IQCM: variants seen among roughly 807,000 people sequenced by gnomAD.
IQCM encodes the protein IQ motif containing M.
A neutral mutation model predicts 57.6 loss-of-function variants in IQCM; 45 were observed. That is an observed-to-expected ratio of 0.78 (90% CI 0.62 to 1.00). IQCM has a LOEUF of 1.00. Among genes scored for constraint, IQCM ranks in the 50% least tolerant of loss-of-function variants. The pLI, the probability that IQCM is intolerant of heterozygous loss-of-function variation, is 0.00. For missense variants in IQCM, 468 were observed against 511.6 expected (o/e 0.91, Z 0.82); for synonymous variants, 148 against 158.9 (o/e 0.93, Z 0.51).
At chr4:149,790,766 T>C (rs1013221679) in intron 2 of IQCM, among the ~76,000 whole-genome samples, 2 of 152,156 alleles carry the variant, frequency 1.3e-5, no homozygotes, top group East Asian at 3.9e-4. Flanking sequence ...TCCTGTGAAA[T>C]AGCGACAGAG....
intron 7 of IQCM, among the ~76,000 whole-genome samples, chr4:149,669,231 T>C (rs1761024615): frequency 6.6e-6 from 1 of 152,208 alleles, no homozygotes; most frequent in Admixed American, 6.5e-5. Flanking sequence ...TGATGGTCAG[T>C]GATGATGAGC....
intron 13 of IQCM, among the ~76,000 whole-genome samples, chr4:149,378,471 A>C (rs946373520): frequency 2.6e-5 from 4 of 152,176 alleles, no homozygotes; most frequent in African/African-American, 4.8e-5. Context: ...GGTGGAGATA[A>C]GGAACTTGTT....
intron 9 of IQCM, among the ~76,000 whole-genome samples, chr4:149,570,660 G>C (rs1382920604): frequency 6.6e-6 from 1 of 152,028 alleles, no homozygotes; most frequent in Non-Finnish European, 1.5e-5. Flanking sequence ...GGATTTATCA[G>C]TCTTCTAGAC....
At chr4:149,639,978 G>C (rs1758051061) in intron 7 of IQCM, among the ~76,000 whole-genome samples, 1 of 152,110 alleles carries the variant, frequency 6.6e-6, no homozygotes, top group Non-Finnish European at 1.5e-5. Flanking sequence ...AAAATCTAAA[G>C]TAGCCAACTC....
chr4:149,560,917 G>A (rs1176405471), intron 10 of IQCM, among the ~76,000 whole-genome samples: 2 of 152,076 alleles, frequency 1.3e-5, no homozygotes, highest in African/African-American at 2.4e-5. Flanking sequence ...GCACCCTCTA[G>A]AGCAGAAAGT....
chr4:149,657,199 G>A (rs999301948), intron 7 of IQCM, among the ~76,000 whole-genome samples: 2 of 152,034 alleles, frequency 1.3e-5, no homozygotes, highest in Non-Finnish European at 2.9e-5. Context: ...AGTAACCACT[G>A]TTCTACTATC....
At chr4:149,784,059 T>C (rs1245729608) in intron 2 of IQCM, among the ~76,000 whole-genome samples, 1 of 152,176 alleles carries the variant, frequency 6.6e-6, no homozygotes, top group Non-Finnish European at 1.5e-5. Flanking sequence ...TCCTTACCCA[T>C]AGAAACTATG....
chr4:149,473,379 C>A lies in IQCM; in HGVS notation c.1229-39822G>T, dbSNP rs530795081. On this transcript the variant is annotated intron_variant, in intron 12 of 13. Coordinates refer to ENST00000636793, the MANE Select transcript of IQCM (RefSeq NM_001363507.2). ...GCCAACAGACACATGAAAAAATGTT[C>A]ATCATCACTGGCCATCAGAGAAATG... Among the ~76,000 whole-genome samples, 4 of 152,308 alleles carry A rather than the reference C, an allele frequency of 2.6e-5. No homozygotes were observed. In the South Asian group the frequency reaches 6.2e-4, roughly 24 times the overall value.
chr4:149,664,229 TA>T (rs1361932624), intron 7 of IQCM, among the ~76,000 whole-genome samples: 1 of 152,162 alleles, frequency 6.6e-6, no homozygotes, highest in Non-Finnish European at 1.5e-5. Context: ...TCTTTGTCTA[TA>T]TTTTTTGTAT....
intron 9 of IQCM, among the ~76,000 whole-genome samples, chr4:149,573,405 A>G (rs559323017): frequency 6.6e-6 from 1 of 152,042 alleles, no homozygotes; most frequent in Non-Finnish European, 1.5e-5. Context: ...CTCCTTCAGT[A>G]AAACTGATGC....
At chr4:149,777,917 AC>A (rs1421671539) in intron 2 of IQCM, among the ~76,000 whole-genome samples, 1 of 152,134 alleles carries the variant, frequency 6.6e-6, no homozygotes, top group African/African-American at 2.4e-5. Context: ...ACAGATGCAG[AC>A]CAAAAACAAA....
chr4:149,359,306 GT>G (rs1292687137), intron 13 of IQCM, among the ~76,000 whole-genome samples: 47 of 151,980 alleles, frequency 3.1e-4, no homozygotes, highest in Non-Finnish European at 4.3e-4. Context: ...TATAATACCG[GT>G]ATTTTAAAGT....
At chr4:149,439,018 C>T (rs1039976019) in intron 12 of IQCM, among the ~76,000 whole-genome samples, 2 of 151,882 alleles carry the variant, frequency 1.3e-5, no homozygotes, top group African/African-American at 2.4e-5. Context: ...TAAATTATAG[C>T]AAATATTACC....
intron 13 of IQCM, among the ~76,000 whole-genome samples, chr4:149,372,831 C>T (rs1168942994): frequency 6.6e-6 from 1 of 151,994 alleles, no homozygotes; most frequent in Non-Finnish European, 1.5e-5. Flanking sequence ...GGTGTTACAT[C>T]CTAGAATTTT....
chr4:149,373,388 C>T (rs892051391), intron 13 of IQCM, among the ~76,000 whole-genome samples: 53 of 151,998 alleles, frequency 3.5e-4, no homozygotes, highest in African/African-American at 1.2e-3. Context: ...AATCAGACAC[C>T]ATATAAGCAC....
chr4:149,432,493 A>C (rs957383182), intron 13 of IQCM, among the ~76,000 whole-genome samples: 1 of 152,072 alleles, frequency 6.6e-6, no homozygotes, highest in African/African-American at 2.4e-5. Context: ...ATATACAAAA[A>C]TTAACCCCAA....
chr4:149,708,412 G>A (rs560970503), intron 5 of IQCM, among the ~76,000 whole-genome samples: 1 of 151,706 alleles, frequency 6.6e-6, no homozygotes, highest in African/African-American at 2.4e-5. Context: ...ACTATATTTT[G>A]TCAGAATGTA....
intron 9 of IQCM, among the ~76,000 whole-genome samples, chr4:149,564,986 T>G (rs1205885662): frequency 6.6e-6 from 1 of 152,162 alleles, no homozygotes; most frequent in Non-Finnish European, 1.5e-5. Flanking sequence ...CCTGTTATGT[T>G]TTACATATGA....
At chr4:149,356,882 G>C (rs1296793099) in intron 13 of IQCM, among the ~76,000 whole-genome samples, 1 of 152,142 alleles carries the variant, frequency 6.6e-6, no homozygotes, top group Non-Finnish European at 1.5e-5. Flanking sequence ...CATGAGCATG[G>C]AATGTTCTTC....
Sources: allele counts gnomAD v4.1 joint callset (sites outside exome capture counted in the v4.1 genomes callset), GRCh38; gene constraint gnomAD v4.1.1; transcripts MANE v1.5; gene names NCBI Gene and HGNC (gene_info 2026-07-23, HGNC 2026-07-21).